The following KCNIP4 variants were observed in gnomAD, a reference collection of about 807,000 sequenced individuals.
The protein encoded by KCNIP4 is Kv channel-interacting protein 4.
A neutral mutation model predicts 34.0 loss-of-function variants in KCNIP4; 12 were observed. The observed-to-expected ratio is 0.35, with a 90% CI of 0.23 to 0.57. The LOEUF is 0.57. KCNIP4 is among the 20% of genes least tolerant of loss of function. The pLI is 0.83. For synonymous variants in KCNIP4, 124 were observed against 102.2 expected (o/e 1.21, Z -1.29); for missense variants, 238 against 311.7 (o/e 0.76, Z 1.78).
rs559746698 is a variant in KCNIP4, at chr4:20,762,459, A to T, written c.289-3569T>A. ...TTTTATTTATTCCCAGAGATTTTTT[A>T]TTGAAACTAGTGCATTTTTTTAAAC... On this transcript the variant is annotated intron_variant, in intron 3 of 8. Coordinates refer to ENST00000382152, the MANE Select transcript of KCNIP4 (RefSeq NM_025221.6). 2.0e-5 allele frequency among the ~76,000 whole-genome samples: 3 copies of T among 152,344 alleles called. No individual in the cohort carries two copies. The South Asian group carries it at 6.2e-4, about 32-fold the overall frequency.
chr4:21,015,433 T>TATATAATATATATATTATATC (rs1444102219), intron 1 of KCNIP4, among the ~76,000 whole-genome samples: 1 of 142,670 alleles, frequency 7.0e-6, no homozygotes, highest in African/African-American at 2.6e-5. Flanking sequence ...ATCATGGTTA[T>TATATAATATATATATTATATC]ATATAATATA....
chr4:21,137,871 C>CTTTTTTTTTTTTT lies in KCNIP4; in HGVS notation c.62-255163_62-255162insAAAAAAAAAAAAA, dbSNP rs144440285. ...ATGAAGGCTTTTTCCCTTACACAGG[C>CTTTTTTTTTTTTT]TTTTTTGTTTTTTTTTTTTTGATGG... On this transcript the variant is annotated intron_variant, in intron 1 of 8. Transcript: ENST00000382152. 1.4e-3 allele frequency among the ~76,000 whole-genome samples: 164 copies of CTTTTTTTTTTTTT among 118,074 alleles called. 14 individuals are homozygous for CTTTTTTTTTTTTT. Among genetic ancestry groups the CTTTTTTTTTTTTT allele is most frequent in the South Asian group, 1.6e-3 (6 of 3,716 alleles). The allele number at this position is 118,074 out of a possible 152,430, so 77.5% of individuals were successfully genotyped here. A position where few individuals can be genotyped will look rare whatever the true frequency, so the allele number is the denominator to read the frequency against.
rs551125143 is a variant in KCNIP4 at position 21,017,943 on chromosome 4, T to A, written c.62-135234A>T. Among the ~76,000 whole-genome samples the A allele has an allele frequency of 1.2e-4, 18 of 152,306 alleles. No individual in the cohort carries two copies. In the South Asian group the frequency reaches 3.5e-3, roughly 30 times the overall value. Reference sequence around the variant, plus strand: ...TGATTTGCATTTCTCCAATGATCAGTGCAAATCACAGTTTTGATGTGGTGT... The same window carrying A: ...TGATTTGCATTTCTCCAATGATCAGAGCAAATCACAGTTTTGATGTGGTGT... On this transcript the variant is annotated intron_variant, in intron 1 of 8. Transcript: ENST00000382152.
At chr4:21,513,972 T>C (rs771810316) in intron 1 of KCNIP4, among the ~76,000 whole-genome samples, 7 of 152,188 alleles carry the variant, frequency 4.6e-5, no homozygotes, top group Non-Finnish European at 1.0e-4. Context: ...AAAATTATGA[T>C]CAAACACTAG....
intron 1 of KCNIP4, among the ~76,000 whole-genome samples, chr4:21,091,044 C>A (rs1034586948): frequency 6.6e-6 from 1 of 152,082 alleles, no homozygotes; most frequent in Non-Finnish European, 1.5e-5. Context: ...GCTTTTTGTT[C>A]AACCAATTTT....
intron 1 of KCNIP4, among the ~76,000 whole-genome samples, chr4:21,517,866 T>C (rs67726727): frequency 0.32 from 48,982 of 152,044 alleles, 8,241 homozygotes; most frequent in South Asian, 0.46. Context: ...CCTGATACAT[T>C]GTAGAAGACC....
chr4:21,384,365 T>C (rs570619598), intron 1 of KCNIP4, among the ~76,000 whole-genome samples: 1 of 152,328 alleles, frequency 6.6e-6, no homozygotes, highest in South Asian at 2.1e-4. Context: ...TCAAAGTGAC[T>C]GGAACACAGT....
chr4:21,063,131 G>A (rs556623401), intron 1 of KCNIP4, among the ~76,000 whole-genome samples: 2 of 152,210 alleles, frequency 1.3e-5, no homozygotes, highest in East Asian at 3.9e-4. Context: ...CCAGATGCTA[G>A]GGAGAGGCAG....
At chr4:21,895,013 T>C (rs1156424249) in intron 1 of KCNIP4, among the ~76,000 whole-genome samples, 2 of 152,144 alleles carry the variant, frequency 1.3e-5, no homozygotes, top group African/African-American at 4.8e-5. Context: ...TTCCCCAACT[T>C]TGTTCCCTCA....
At chr4:20,735,132 G>T (rs1749278245) in intron 5 of KCNIP4, among the ~76,000 whole-genome samples, 1 of 152,182 alleles carries the variant, frequency 6.6e-6, no homozygotes, top group South Asian at 2.1e-4. Context: ...TTGCTAATAA[G>T]AAATGTGGCT....
chr4:21,893,173 G>C (rs4443267), intron 1 of KCNIP4, among the ~76,000 whole-genome samples: 22,353 of 152,138 alleles, frequency 0.15, 2,015 homozygotes, highest in Non-Finnish European at 0.2. Flanking sequence ...AATTGTGTGT[G>C]TGTGTCTGTG....
At chr4:21,433,862 A>C (rs1274762837) in intron 1 of KCNIP4, among the ~76,000 whole-genome samples, 2 of 152,218 alleles carry the variant, frequency 1.3e-5, no homozygotes, top group Non-Finnish European at 2.9e-5. Context: ...AATAATTATC[A>C]ACTGATTTAT....
intron 1 of KCNIP4, among the ~76,000 whole-genome samples, chr4:21,537,502 T>C (rs1737287005): frequency 6.6e-6 from 1 of 152,110 alleles, no homozygotes; most frequent in Admixed American, 6.6e-5. Flanking sequence ...CCTTGGCACA[T>C]TGCGGAAAAC....
intron 1 of KCNIP4, among the ~76,000 whole-genome samples, chr4:21,659,967 T>G (rs1748310762): frequency 6.6e-6 from 1 of 152,204 alleles, no homozygotes; most frequent in Admixed American, 6.5e-5. Flanking sequence ...ATATTTTAGC[T>G]ATAGGTTAAT....
chr4:21,497,282 C>A (rs1288318156), intron 1 of KCNIP4, among the ~76,000 whole-genome samples: 1 of 152,174 alleles, frequency 6.6e-6, no homozygotes, highest in Non-Finnish European at 1.5e-5. Flanking sequence ...TATGATAGTG[C>A]TTGGCACACA....
intron 2 of KCNIP4, among the ~76,000 whole-genome samples, chr4:20,864,979 A>C (rs1431650818): frequency 6.6e-6 from 1 of 152,158 alleles, no homozygotes; most frequent in Non-Finnish European, 1.5e-5. Flanking sequence ...ATAATGGAGA[A>C]GGAGCATACA....
At chr4:21,482,278 G>A (rs1019334282) in intron 1 of KCNIP4, among the ~76,000 whole-genome samples, 1 of 152,114 alleles carries the variant, frequency 6.6e-6, no homozygotes, top group African/African-American at 2.4e-5. Flanking sequence ...TTGCCAGTCT[G>A]TGTCTTTTAA....
intron 1 of KCNIP4, among the ~76,000 whole-genome samples, chr4:21,113,330 C>A (rs560568384): frequency 1.3e-5 from 2 of 152,112 alleles, no homozygotes; most frequent in Non-Finnish European, 2.9e-5. Context: ...CAGGGAAAAT[C>A]ATTTTCTTGT....
intron 1 of KCNIP4, among the ~76,000 whole-genome samples, chr4:21,143,248 A>G (rs552764669): frequency 8.4e-4 from 128 of 152,346 alleles, no homozygotes; most frequent in Non-Finnish European, 1.7e-3. Context: ...AACTTCGTCC[A>G]CTGGTGGCAG....
Sources: gnomAD v4.1 joint callset for allele counts (sites outside exome capture counted in the v4.1 genomes callset) on GRCh38, gnomAD v4.1.1 for gene constraint, MANE v1.5 for transcripts, NCBI Gene and HGNC (gene_info 2026-07-23, HGNC 2026-07-21) for gene names.